Variants in ADCY1 observed in about 807,000 individuals in gnomAD.
ADCY1 encodes the protein adenylate cyclase type 1.
ADCY1 carries 28 observed loss-of-function variants against 105.4 expected under a neutral mutation model. That is an observed-to-expected ratio of 0.27 (90% CI 0.20 to 0.36). The LOEUF (loss-of-function observed/expected upper bound fraction) is 0.36. Among genes scored for constraint, ADCY1 ranks in the 10% least tolerant of loss-of-function variants. ADCY1 has a pLI of 1.00. For missense variants in ADCY1, 977 were observed against 1,434.2 expected, an observed-to-expected ratio of 0.68 and a Z score of 5.15; for synonymous variants, 655 against 623.8, an observed-to-expected ratio of 1.05 and a Z score of -0.75.
At chr7:45,682,549 A>G (rs1483087152) in intron 11 of ADCY1, among the ~76,000 whole-genome samples, 2 of 152,112 alleles carry the variant, frequency 1.3e-5, no homozygotes, top group East Asian at 3.9e-4. Flanking sequence ...ATGTGGGCAC[A>G]ATGTGGTCCA....
intron 3 of ADCY1, among the ~76,000 whole-genome samples, chr7:45,617,919 C>T (rs1793782936): frequency 6.6e-6 from 1 of 152,062 alleles, no homozygotes; most frequent in Non-Finnish European, 1.5e-5. Flanking sequence ...CCTGAATAGC[C>T]AAAGCAATCT....
rs1785308798 is a variant in ADCY1 at position 45,713,690 on chromosome 7, C to T, written c.3058-3C>T. The T allele has an allele frequency of 1.3e-6, 1 of 778,904 alleles. No individual in the cohort carries two copies. Among genetic ancestry groups the T allele is most frequent in the African/African-American group, 1.7e-5 (1 of 59,264 alleles). The allele number at this position is 778,904 out of a possible 1,614,324, so 48.2% of individuals were successfully genotyped here. On this transcript the variant is annotated splice_polypyrimidine_tract_variant and splice_region_variant and intron_variant, in intron 19 of 19. Transcript: ENST00000297323. ...AGTAACACTCACTTCTCTCCATCAA[C>T]AGGTGACTGAGGAAGTCCACCGGCT... is the stretch of plus-strand genomic sequence containing the variant.
rs553630006 is a variant in ADCY1, at chr7:45,667,312, G to A, written c.1605+5098G>A. 4.6e-5 allele frequency among the ~76,000 whole-genome samples: 7 copies of A among 152,284 alleles called. No individual in the cohort carries two copies. In the South Asian group the frequency reaches 6.2e-4, roughly 14 times the overall value. On this transcript the variant is annotated intron_variant, in intron 8 of 19. Transcript: ENST00000297323. The stretch of plus-strand genomic sequence containing the variant: ...TCCTGAATTAATTTTTGTATAAGGC[G>A]TAAGGAAGGGGTCCAGTTTCAGCTT...
chr7:45,682,342 G>C (rs1438623500), intron 11 of ADCY1, among the ~76,000 whole-genome samples: 1 of 152,198 alleles, frequency 6.6e-6, no homozygotes, highest in Non-Finnish European at 1.5e-5. Flanking sequence ...AGGAATGTCT[G>C]GGGCAGGATG....
Position 45,610,487 on chromosome 7 carries a change from G to A in ADCY1, c.898G>A (p.Asp300Asn), listed in dbSNP as rs771497072. 6.2e-6 allele frequency: 10 copies of A among 1,613,714 alleles called. No homozygotes were observed. The highest frequency in any genetic ancestry group is 8.5e-6 in the Non-Finnish European group (10 of 1,179,770). The part of the protein sequence containing the change: ...IFHKIYIQRH[D>N]NVSILFADIV... ...CCACAAGATTTACATCCAGAGGCACGACAATGTGAGGTAGGGCTGGTGCTG... is the reference window on the plus strand; with the variant it reads ...CCACAAGATTTACATCCAGAGGCACAACAATGTGAGGTAGGGCTGGTGCTG... Residue 300 changes from aspartate (D) to asparagine (N), a missense_variant, in exon 3 of 20, where the codon GAC becomes AAC. This residue lies in a region of ADCY1 where 196 missense variants were observed against 347.8 expected (regional missense o/e 0.56). Coordinates refer to ENST00000297323, the MANE Select transcript of ADCY1 (RefSeq NM_021116.4).
At chr7:45,612,016 A>C (rs1273233831) in intron 3 of ADCY1, among the ~76,000 whole-genome samples, 1 of 152,208 alleles carries the variant, frequency 6.6e-6, no homozygotes, top group Non-Finnish European at 1.5e-5. Context: ...CATCAGAGTC[A>C]GTCATCCTTG....
intron 1 of ADCY1, among the ~76,000 whole-genome samples, chr7:45,590,777 C>T (rs926904359): frequency 1.4e-4 from 21 of 152,216 alleles, no homozygotes; most frequent in Non-Finnish European, 2.9e-4. Flanking sequence ...GCTGCCTTCT[C>T]TGACCCCTCA....
intron 4 of ADCY1, among the ~76,000 whole-genome samples, chr7:45,624,862 A>G (rs1231929757): frequency 6.6e-6 from 1 of 152,066 alleles, no homozygotes; most frequent in Non-Finnish European, 1.5e-5. Context: ...CTTGGAGCTG[A>G]TGCTGGGCCC....
At chr7:45,617,083 A>G (rs1793758269) in intron 3 of ADCY1, among the ~76,000 whole-genome samples, 2 of 152,226 alleles carry the variant, frequency 1.3e-5, no homozygotes, top group Non-Finnish European at 1.5e-5. Context: ...TCTGCAACCT[A>G]TGTGGCTACA....
In ADCY1 at chr7:45,683,216, A is replaced by G. The variant is rs139103272; in HGVS notation, c.1984-1763A>G. Among the ~76,000 whole-genome samples, 6 of 152,232 alleles carry G rather than the reference A, an allele frequency of 3.9e-5. No homozygotes were observed. In the East Asian group the frequency reaches 1.2e-3, roughly 30 times the overall value. ...ATCTTAACATTTTTCACCCACTTGGAGAGGTTTATCTACATACTTTTCCCC... is the reference window on the plus strand; with the variant it reads ...ATCTTAACATTTTTCACCCACTTGGGGAGGTTTATCTACATACTTTTCCCC... On this transcript the variant is annotated intron_variant, in intron 11 of 19. Coordinates refer to ENST00000297323, the MANE Select transcript of ADCY1 (RefSeq NM_021116.4).
intron 14 of ADCY1, among the ~76,000 whole-genome samples, chr7:45,693,372 T>A (rs1352637649): frequency 7.0e-6 from 1 of 143,830 alleles, no homozygotes; most frequent in African/African-American, 2.6e-5. Flanking sequence ...GAGGATTCCC[T>A]CTTTTTCTAT....
At chr7:45,600,453 A>G (rs774120081) in intron 2 of ADCY1, among the ~76,000 whole-genome samples, 1 of 152,234 alleles carries the variant, frequency 6.6e-6, no homozygotes, top group Non-Finnish European at 1.5e-5. Flanking sequence ...GCTGAGGAAG[A>G]CAGAGCTGAG....
Position 45,677,738 on chromosome 7 carries a change from TG to T in ADCY1, c.1606-130del. On this transcript the variant is annotated intron_variant, in intron 8 of 19. Transcript: ENST00000297323. ...TCTCACCACCAGCAGGGCAGAGTCA[TG>T]ATTATTAAATGTCAGATTCCCAAAC... 6.3e-6 allele frequency: 6 copies of T among 954,852 alleles called. No individual in the cohort carries two copies. The Middle Eastern group carries it at 1.2e-3, about 193-fold the overall frequency. The allele number at this position is 954,852 out of a possible 1,614,324, so 59.1% of individuals were successfully genotyped here.
intron 3 of ADCY1, among the ~76,000 whole-genome samples, chr7:45,615,324 A>G (rs975692033): frequency 1.5e-4 from 23 of 152,222 alleles, no homozygotes; most frequent in African/African-American, 4.3e-4. Context: ...CAGGCTGGGC[A>G]TGGTGGCTGA....
rs1234209401 is a variant in ADCY1, at chr7:45,704,563, A to G, written c.2764A>G (p.Ile922Val). The G allele has an allele frequency of 1.9e-6, 3 of 1,614,238 alleles. No homozygotes were observed. Among genetic ancestry groups the G allele is most frequent in the African/African-American group, 1.3e-5 (1 of 75,074 alleles). ...CAAGGACATAGAGAAGATCAAGACC[A>G]TCGGGAGCACCTACATGGCCGCTGT... ...FYKDIEKIKTIGSTYMAAVGL... is the reference protein window; with the variant it reads ...FYKDIEKIKTVGSTYMAAVGL... The change falls in exon 17 of 20, where the codon ATC becomes GTC. Residue 922 changes from isoleucine (I) to valine (V), a missense_variant. Coordinates refer to ENST00000297323, the MANE Select transcript of ADCY1 (RefSeq NM_021116.4).
At chr7:45,580,929 A>G (rs1282556594) in intron 1 of ADCY1, among the ~76,000 whole-genome samples, 1 of 152,002 alleles carries the variant, frequency 6.6e-6, no homozygotes, top group Non-Finnish European at 1.5e-5. Flanking sequence ...TTTTAGGTTG[A>G]TGTCCCTCTC....
In ADCY1 at chr7:45,647,672, G is replaced by A. The variant is rs1794700026; in HGVS notation, c.1021-998G>A. On this transcript the variant is annotated intron_variant, in intron 4 of 19. Coordinates refer to ENST00000297323, the MANE Select transcript of ADCY1 (RefSeq NM_021116.4). The surrounding 1 kb of genome is among the most constrained non-coding windows in gnomAD (Gnocchi z 4.6). ...TCCACTGTCTGCCCTGGAGATGACG[G>A]CACCACAGAGGCTCACAGAAGTGGA... Among the ~76,000 whole-genome samples, 1 of 152,156 alleles carries A rather than the reference G, an allele frequency of 6.6e-6. No individual in the cohort carries two copies. Among genetic ancestry groups the A allele is most frequent in the Non-Finnish European group, 1.5e-5 (1 of 68,032 alleles).
At chr7:45,615,147 A>G (rs967836213) in intron 3 of ADCY1, among the ~76,000 whole-genome samples, 29 of 152,384 alleles carry the variant, frequency 1.9e-4, no homozygotes, top group Admixed American at 1.0e-3. Context: ...AGTCCTTACA[A>G]TTTCAAGAAT....
chr7:45,587,267 T>C (rs1219267774), intron 1 of ADCY1, among the ~76,000 whole-genome samples: 1 of 152,140 alleles, frequency 6.6e-6, no homozygotes, highest in Non-Finnish European at 1.5e-5. Flanking sequence ...CCAGGGCGTG[T>C]GCTTCCATGT....
Sources: gnomAD v4.1 joint callset for allele counts (sites outside exome capture counted in the v4.1 genomes callset) on GRCh38, gnomAD v4.1.1 for gene constraint, gnomAD v4.1.1 regional missense constraint, Gnocchi (gnomAD v3.1) non-coding constraint, MANE v1.5 for transcripts, NCBI Gene and HGNC (gene_info 2026-07-23, HGNC 2026-07-21) for gene names.